ADGRA1: variants seen among roughly 807,000 people sequenced by gnomAD.
The protein encoded by ADGRA1 is G-protein coupled receptor 123.
In ADGRA1, 12 loss-of-function variants were observed where a neutral mutation model predicts 21.3. That is an observed-to-expected ratio of 0.56 (90% CI 0.36 to 0.91). The LOEUF is 0.91. ADGRA1 is among the 40% of genes least tolerant of loss of function. The pLI is 0.01. For missense variants in ADGRA1, 790 were observed against 805.6 expected (o/e 0.98, Z 0.23); for synonymous variants, 385 against 368.8 (o/e 1.04, Z -0.50).
intron 5 of ADGRA1, among the ~76,000 whole-genome samples, chr10:133,126,695 G>T (rs1591190254): frequency 6.6e-6 from 1 of 152,228 alleles, no homozygotes; most frequent in East Asian, 1.9e-4. Flanking sequence ...TGCCTGTCAG[G>T]ATGAGACTCT....
chr10:133,115,656 G>A (rs1012846485), intron 5 of ADGRA1, among the ~76,000 whole-genome samples: 1 of 152,264 alleles, frequency 6.6e-6, no homozygotes, highest in Admixed American at 6.5e-5. Context: ...GGCACTGTGG[G>A]GACTCAGCAC....
chr10:133,114,634 C>T (rs1285053507), intron 5 of ADGRA1, among the ~76,000 whole-genome samples: 9 of 149,804 alleles, frequency 6.0e-5, no homozygotes, highest in South Asian at 2.2e-4. Context: ...GGTGACTTTC[C>T]GGAGATACTT....
At chr10:133,123,281 C>T (rs894574468) in intron 5 of ADGRA1, among the ~76,000 whole-genome samples, 2 of 152,210 alleles carry the variant, frequency 1.3e-5, no homozygotes, top group Non-Finnish European at 2.9e-5. Flanking sequence ...AGGTCTCTTC[C>T]GCTCTCTTCT....
intron 2 of ADGRA1, among the ~76,000 whole-genome samples, chr10:133,095,294 TG>T (rs1591166870): frequency 6.6e-6 from 1 of 151,906 alleles, no homozygotes; most frequent in African/African-American, 2.4e-5. Context: ...AGAGTGAGGG[TG>T]GGGCTCTCCT....
chr10:133,104,516 G>A (rs191288959), intron 5 of ADGRA1, among the ~76,000 whole-genome samples: 2,603 of 152,262 alleles, frequency 0.017, 32 homozygotes, highest in Middle Eastern at 0.031. Context: ...GGCACTGACC[G>A]GCGGACCCAG....
At chr10:133,119,348 G>T (rs1718452503) in intron 5 of ADGRA1, among the ~76,000 whole-genome samples, 2 of 152,192 alleles carry the variant, frequency 1.3e-5, no homozygotes, top group Admixed American at 1.3e-4. Flanking sequence ...GGCCGCTGGG[G>T]CTGACCAGGG....
At chr10:133,111,912 T>A (rs61862111) in intron 5 of ADGRA1, among the ~76,000 whole-genome samples, 859 of 10,132 alleles carry the variant, frequency 0.085, 171 homozygotes, top group Middle Eastern at 0.15. Flanking sequence ...TCCTAATGCC[T>A]CCAGACCACC....
intron 2 of ADGRA1, 126 bp from the exon 3 acceptor site, chr10:133,096,848 G>A: frequency 8.4e-7 from 1 of 1,189,114 alleles, no homozygotes; most frequent in Non-Finnish European, 1.2e-6. Flanking sequence ...CCTTCCCTGA[G>A]ACCCCACACG....
chr10:133,123,676 G>A (rs551817289), intron 5 of ADGRA1, among the ~76,000 whole-genome samples: 7 of 151,778 alleles, frequency 4.6e-5, no homozygotes, highest in South Asian at 2.1e-4. Flanking sequence ...AATGGGCCCC[G>A]CTGGGCCGAC....
intron 5 of ADGRA1, among the ~76,000 whole-genome samples, chr10:133,111,415 A>C (rs55938255): frequency 0.061 from 245 of 4,020 alleles, 5 homozygotes; most frequent in East Asian, 0.1. Flanking sequence ...CCCACCAGAC[A>C]ACCTGCCCAC....
chr10:133,121,448 T>C lies in ADGRA1; in HGVS notation c.402-5785T>C, dbSNP rs564267759. Reference sequence around the variant, plus strand: ...GTGTGTCAGTGTGCGTGTGTGCGTGTGCGTGGAGTGTGTCAGTGTGCGTGT... The same window carrying C: ...GTGTGTCAGTGTGCGTGTGTGCGTGCGCGTGGAGTGTGTCAGTGTGCGTGT... On this transcript the variant is annotated intron_variant, in intron 5 of 6. Transcript: ENST00000392607. Among the ~76,000 whole-genome samples the C allele has an allele frequency of 4.0e-5, 6 of 151,024 alleles. No homozygotes were observed. In the East Asian group the frequency reaches 9.9e-4, roughly 25 times the overall value.
chr10:133,099,506 G>A (rs1248907437), intron 4 of ADGRA1, among the ~76,000 whole-genome samples: 4 of 152,084 alleles, frequency 2.6e-5, no homozygotes, highest in Admixed American at 1.3e-4. Context: ...TGAAAAGAAC[G>A]ACACACAGAA....
chr10:133,123,343 C>A (rs1221184733), intron 5 of ADGRA1, among the ~76,000 whole-genome samples: 3 of 152,222 alleles, frequency 2.0e-5, no homozygotes. Flanking sequence ...TTGTTCCTCA[C>A]ATCAGCCCGA....
At chr10:133,118,361 A>G (rs1474049677) in intron 5 of ADGRA1, among the ~76,000 whole-genome samples, 14 of 152,226 alleles carry the variant, frequency 9.2e-5, no homozygotes, top group Admixed American at 7.2e-4. Flanking sequence ...TATGTGCTGT[A>G]TTAGTCCATT....
intron 5 of ADGRA1, among the ~76,000 whole-genome samples, chr10:133,118,220 G>A (rs555591144): frequency 5.9e-5 from 9 of 152,304 alleles, no homozygotes; most frequent in African/African-American, 1.9e-4. Context: ...GAGGACCAGC[G>A]GATGTACGGT....
intron 4 of ADGRA1, chr10:133,102,398 C>T (rs1388621566): frequency 5.5e-6 from 3 of 543,594 alleles, no homozygotes; most frequent in Non-Finnish European, 1.1e-5. Context: ...GCCACAGGGA[C>T]CACAGCGGGT....
At chr10:133,095,031 G>A (rs568358504) in intron 2 of ADGRA1, among the ~76,000 whole-genome samples, 2 of 152,286 alleles carry the variant, frequency 1.3e-5, no homozygotes, top group East Asian at 3.9e-4. Flanking sequence ...CCCGAGCCAC[G>A]CCAGAGCCCC....
chr10:133,098,555 AGAGCCTGCGCCCCAGGGGGCTC>A, intron 3 of ADGRA1, 63 bp from the exon 4 acceptor site: 1 of 1,510,474 alleles, frequency 6.6e-7, no homozygotes, highest in Non-Finnish European at 8.9e-7. Context: ...TCCCGGGGAC[AGAGCCTGCGCCCCAGGGGGCTC>A]CCTTCCACGC....
rs111695309 is a variant in ADGRA1, at chr10:133,102,601, G to A, written c.256-96G>A. On this transcript the variant is annotated intron_variant, in intron 4 of 6. Coordinates refer to ENST00000392607, the MANE Select transcript of ADGRA1 (RefSeq NM_001083909.3). The stretch of plus-strand genomic sequence containing the variant: ...ATACAGACGCTGCTGGCCGCCTGCC[G>A]TTCTCATTCTTGAAGTTGCAAGCCC... 2.1e-3 allele frequency: 3,011 copies of A among 1,415,230 alleles called. 55 individuals are homozygous for A. The African/African-American group carries it at 0.037, about 17-fold the overall frequency. 87.7% of individuals were successfully genotyped at this position (1,415,230 alleles called of 1,614,324 possible).
Sources: allele counts gnomAD v4.1 joint callset (sites outside exome capture counted in the v4.1 genomes callset), GRCh38; gene constraint gnomAD v4.1.1; transcripts MANE v1.5; gene names NCBI Gene and HGNC (gene_info 2026-07-23, HGNC 2026-07-21).